Variants in PCDH15 observed in about 807,000 individuals in gnomAD.
PCDH15 encodes the protein protocadherin related 15.
PCDH15 carries 129 observed loss-of-function variants against 178.5 expected under a neutral mutation model. The observed-to-expected ratio is 0.72, with a 90% confidence interval of 0.63 to 0.84. The LOEUF is 0.84. PCDH15 is among the 40% of genes least tolerant of loss of function. PCDH15 has a pLI of 0.00. For missense variants in PCDH15, 2,230 were observed against 2,099.9 expected (o/e 1.06, Z -1.21); for synonymous variants, 800 against 732.0 (o/e 1.09, Z -1.50).
chr10:55,626,475 C>T (rs1018919011), intron 2 of PCDH15, among the ~76,000 whole-genome samples: 6 of 152,210 alleles, frequency 3.9e-5, no homozygotes, highest in Admixed American at 2.0e-4. Context: ...TGAATACTAA[C>T]GGGTTCATTT....
intron 9 of PCDH15, among the ~76,000 whole-genome samples, chr10:54,220,824 CAAAATAAA>C (rs1443822778): frequency 9.0e-6 from 1 of 111,176 alleles, no homozygotes; most frequent in Non-Finnish European, 1.8e-5. Context: ...GACTCCGTCT[CAAAATAAA>C]TAAATAAATA....
intron 2 of PCDH15, among the ~76,000 whole-genome samples, chr10:55,042,202 A>G (rs1840880888): frequency 6.6e-6 from 1 of 152,170 alleles, no homozygotes; most frequent in South Asian, 2.1e-4. Flanking sequence ...AACCCTCTGA[A>G]GGAAGAATAG....
chr10:54,912,390 C>T (rs975037346), intron 2 of PCDH15, among the ~76,000 whole-genome samples: 1 of 152,028 alleles, frequency 6.6e-6, no homozygotes, highest in Non-Finnish European at 1.5e-5. Context: ...GTTCTCATGA[C>T]AGTGAATGAG....
rs115349422 is a variant in PCDH15 at position 55,163,424 on chromosome 10, T to C, written c.-80+3152A>G. On this transcript the variant is annotated intron_variant, in intron 2 of 5. Coordinates refer to the PCDH15 transcript ENST00000458638. Reference sequence around the variant, plus strand: ...CCCACAGCCTCAGATTTATACATCATGAAAACTTATTGATTTTATCAGAGG... The same window carrying C: ...CCCACAGCCTCAGATTTATACATCACGAAAACTTATTGATTTTATCAGAGG... Among the ~76,000 whole-genome samples the C allele has an allele frequency of 5.9e-3, 905 of 152,228 alleles. 9 individuals carry two copies. Among genetic ancestry groups the C allele is most frequent in the African/African-American group, 0.02 (844 of 41,538 alleles).
intron 2 of PCDH15, among the ~76,000 whole-genome samples, chr10:55,582,322 A>G (rs1054938735): frequency 5.9e-5 from 9 of 152,050 alleles, no homozygotes; most frequent in Non-Finnish European, 1.0e-4. Context: ...ATAATCTACC[A>G]TGCAATTTAT....
intron 18 of PCDH15, among the ~76,000 whole-genome samples, chr10:54,058,298 T>G (rs780038515): frequency 2.6e-5 from 4 of 152,176 alleles, no homozygotes; most frequent in Non-Finnish European, 4.4e-5. Flanking sequence ...TACCTGAGAC[T>G]GGGTAATTTA....
chr10:55,230,404 G>T (rs1435606895), intron 1 of PCDH15, among the ~76,000 whole-genome samples: 1 of 152,038 alleles, frequency 6.6e-6, no homozygotes, highest in Non-Finnish European at 1.5e-5. Context: ...GATTTATAAA[G>T]TAACTTAAGC....
chr10:54,183,557 C>G lies in PCDH15; in HGVS notation c.1477G>C (p.Val493Leu), dbSNP rs761044059. The change falls in exon 13 of 38, where the codon GTC becomes CTC. Residue 493 changes from valine to leucine, a missense_variant. By Grantham distance (32) the Val-to-Leu change is conservative (BLOSUM62 1). Coordinates refer to ENST00000644397, the MANE Select transcript of PCDH15 (RefSeq NM_001384140.1). ...AFDGVQESEP[V>L]IVNIQVMDAN... The stretch of plus-strand genomic sequence containing the variant: ...TCCATCACTTGAATATTGACGATGA[C>G]TGGCTCACTTTCTTGTACACCATCA... 3.7e-6 allele frequency: 6 copies of G among 1,614,028 alleles called. No homozygotes were observed. The South Asian group carries it at 4.4e-5, about 12-fold the overall frequency.
chr10:54,346,876 T>C (rs543065315), intron 5 of PCDH15, among the ~76,000 whole-genome samples: 1 of 152,298 alleles, frequency 6.6e-6, no homozygotes, highest in Non-Finnish European at 1.5e-5. Flanking sequence ...AAATAAACGA[T>C]TTACGAGTGA....
chr10:55,401,280 A>G (rs1838055751), intron 2 of PCDH15, among the ~76,000 whole-genome samples: 1 of 152,076 alleles, frequency 6.6e-6, no homozygotes, highest in Admixed American at 6.6e-5. Flanking sequence ...ATGGTAGCTT[A>G]GTAATGATAA....
At chr10:53,871,412 G>A (rs1415014051) in intron 26 of PCDH15, among the ~76,000 whole-genome samples, 1 of 150,982 alleles carries the variant, frequency 6.6e-6, no homozygotes, top group African/African-American at 2.4e-5. Context: ...AAATAAGGAT[G>A]CCCAAAAATA....
At chr10:54,163,834 T>G (rs1455086395) in intron 13 of PCDH15, among the ~76,000 whole-genome samples, 1 of 152,136 alleles carries the variant, frequency 6.6e-6, no homozygotes, top group African/African-American at 2.4e-5. Context: ...TAAATTCTGA[T>G]GTATTTAAAT....
intron 3 of PCDH15, among the ~76,000 whole-genome samples, chr10:54,866,162 T>C (rs1953938164): frequency 6.6e-6 from 1 of 152,218 alleles, no homozygotes; most frequent in African/African-American, 2.4e-5. Context: ...CCAGGAATAG[T>C]TTTGAATAGT....
chr10:55,149,464 G>A (rs1332714429), intron 2 of PCDH15, among the ~76,000 whole-genome samples: 7 of 151,824 alleles, frequency 4.6e-5, no homozygotes, highest in South Asian at 2.1e-4. Flanking sequence ...AAGTAAAATC[G>A]TTTTATGCAT....
At chr10:55,281,678 G>A (rs375641189) in intron 1 of PCDH15, among the ~76,000 whole-genome samples, 1 of 152,012 alleles carries the variant, frequency 6.6e-6, no homozygotes, top group Non-Finnish European at 1.5e-5. Flanking sequence ...CATCATCTCC[G>A]TGGATCAAAT....
chr10:54,973,217 A>G (rs573550120), intron 2 of PCDH15, among the ~76,000 whole-genome samples: 3 of 152,192 alleles, frequency 2.0e-5, no homozygotes, highest in Non-Finnish European at 4.4e-5. Flanking sequence ...ACAAACACAC[A>G]TATTTAGAGA....
chr10:54,316,647 T>C (rs1052137143), intron 8 of PCDH15, among the ~76,000 whole-genome samples: 2 of 152,098 alleles, frequency 1.3e-5, no homozygotes, highest in African/African-American at 4.8e-5. Context: ...AAATTCTTAT[T>C]CTTAGGTATG....
At chr10:54,929,224 G>T (rs1319460300) in intron 2 of PCDH15, among the ~76,000 whole-genome samples, 1 of 152,108 alleles carries the variant, frequency 6.6e-6, no homozygotes, top group Non-Finnish European at 1.5e-5. Context: ...TAGACTGTGT[G>T]CTCTAACTCT....
At chr10:53,858,854 T>C (rs2078924884) in intron 27 of PCDH15, among the ~76,000 whole-genome samples, 2 of 152,156 alleles carry the variant, frequency 1.3e-5, no homozygotes. Context: ...TCTTTTCTTA[T>C]TGGTCTTGAG....
Sources: allele counts gnomAD v4.1 joint callset (sites outside exome capture counted in the v4.1 genomes callset), GRCh38; gene constraint gnomAD v4.1.1; transcripts MANE v1.5; gene names NCBI Gene and HGNC (gene_info 2026-07-23, HGNC 2026-07-21).